Variants in CLASP2 observed in about 807,000 individuals in gnomAD.
CLASP2 encodes the protein CLIP-associating protein 2.
Under a neutral mutation model 194.4 loss-of-function variants are expected in CLASP2, and 47 were observed. The observed-to-expected ratio is 0.24, with a 90% CI of 0.19 to 0.31. The LOEUF is 0.31. Among genes scored for constraint, CLASP2 ranks in the 10% least tolerant of loss-of-function variants. The pLI, the probability that CLASP2 is intolerant of heterozygous loss-of-function variation, is 1.00. For missense variants in CLASP2, 1,445 were observed against 1,823.6 expected, an observed-to-expected ratio of 0.79 and a Z score of 3.78; for synonymous variants, 619 against 633.5, an observed-to-expected ratio of 0.98 and a Z score of 0.34.
chr3:33,525,910 C>G (rs779413058), intron 34 of CLASP2, among the ~76,000 whole-genome samples: 34 of 152,208 alleles, frequency 2.2e-4, no homozygotes, highest in Non-Finnish European at 3.4e-4. Flanking sequence ...CTGCACCTCC[C>G]TAAGAAGGAG....
intron 22 of CLASP2, among the ~76,000 whole-genome samples, chr3:33,582,482 T>C (rs896227539): frequency 6.6e-6 from 1 of 151,942 alleles, no homozygotes; most frequent in African/African-American, 2.4e-5. Flanking sequence ...TAGTGAGACC[T>C]TGTCTCACTA....
chr3:33,685,111 C>G (rs1261672365), intron 5 of CLASP2, among the ~76,000 whole-genome samples: 2 of 151,340 alleles, frequency 1.3e-5, no homozygotes, highest in Non-Finnish European at 2.9e-5. Context: ...GAGACCAAGG[C>G]TGGCGGTTCA....
At chr3:33,595,716 G>C (rs1376282460) in intron 19 of CLASP2, among the ~76,000 whole-genome samples, 2 of 151,806 alleles carry the variant, frequency 1.3e-5, no homozygotes, top group African/African-American at 2.4e-5. Flanking sequence ...AAAATATTTT[G>C]AACTGGAAAG....
chr3:33,551,239 TATTAAA>T lies in CLASP2; in HGVS notation c.3153+7_3153+12del, dbSNP rs1263037760. 1.2e-6 allele frequency: 2 copies of T among 1,603,620 alleles called. No homozygotes were observed. The highest frequency in any genetic ancestry group is 2.7e-5 in the African/African-American group (2 of 74,642). On this transcript the variant is annotated splice_region_variant and intron_variant, in intron 30 of 38. Coordinates refer to ENST00000682230, the MANE Select transcript of CLASP2 (RefSeq NM_001365631.1). ...TTCCCAATTTATCTTCTAAACCTCA[TATTAAA>T]ATATACCTTCCGAACATCAGAACTT...
intron 23 of CLASP2, 127 bp from the exon 24 acceptor site, chr3:33,576,402 A>G (rs1395303424): frequency 3.2e-6 from 2 of 617,146 alleles, no homozygotes; most frequent in African/African-American, 3.8e-5. Context: ...TTTAAAAGCA[A>G]TATTGTATTT....
chr3:33,619,651 T>C lies in CLASP2; in HGVS notation c.1269A>G (p.Ala423=). 6.4e-7 allele frequency: 1 copy of C among 1,556,094 alleles called. No homozygotes were observed. The highest frequency in any genetic ancestry group is 2.4e-5 in the East Asian group (1 of 41,264). ...PTLFNLVPNS[A]KVMATSGCAA... ...CACATCCAGAAGTTGCCATGACTTT[T>C]GCACTATTGGGGACGAGATTAAAAA... is the stretch of plus-strand genomic sequence containing the variant. The change falls in exon 12 of 39, where the codon GCA becomes GCG. Residue 423 remains alanine (A), a synonymous_variant. Coordinates refer to ENST00000682230, the MANE Select transcript of CLASP2 (RefSeq NM_001365631.1).
chr3:33,509,406 AGTCTC>A (rs573809943), intron 37 of CLASP2, among the ~76,000 whole-genome samples: 47 of 152,166 alleles, frequency 3.1e-4, no homozygotes, highest in Non-Finnish European at 5.6e-4. Context: ...GTAGAGACAG[AGTCTC>A]TCCATGTTGG....
Position 33,688,321 on chromosome 3 carries a change from T to G in CLASP2, c.426A>C (p.Arg142=), listed in dbSNP as rs1165019831. The G allele has an allele frequency of 1.3e-6, 2 of 1,593,570 alleles. No individual in the cohort carries two copies. Among genetic ancestry groups the G allele is most frequent in the Non-Finnish European group, 1.7e-6 (2 of 1,169,076 alleles). The stretch of plus-strand genomic sequence containing the variant: ...GACACAGACACACGCCTTCTCGAGA[T>G]CGAAAATTCTTGTGTTTAAAACCAG... The part of the protein sequence containing the change: ...LASGFKHKNF[R]SREGVCLCLI... The change falls in exon 4 of 39, where the codon CGA becomes CGC. Residue 142 remains arginine, a synonymous_variant. Coordinates refer to ENST00000682230, the MANE Select transcript of CLASP2 (RefSeq NM_001365631.1).
intron 23 of CLASP2, among the ~76,000 whole-genome samples, chr3:33,579,870 C>T (rs1179917304): frequency 6.6e-6 from 1 of 152,166 alleles, no homozygotes; most frequent in Non-Finnish European, 1.5e-5. Flanking sequence ...CTCCACTTCC[C>T]TCCACTCCTG....
At chr3:33,600,315 G>C (rs2071718401) in intron 18 of CLASP2, among the ~76,000 whole-genome samples, 1 of 152,148 alleles carries the variant, frequency 6.6e-6, no homozygotes, top group African/African-American at 2.4e-5. Context: ...AAAATATCCA[G>C]TTTTTTAATC....
At chr3:33,704,973 A>G (rs1386607488) in intron 1 of CLASP2, among the ~76,000 whole-genome samples, 2 of 152,140 alleles carry the variant, frequency 1.3e-5, no homozygotes, top group African/African-American at 4.8e-5. Context: ...GCCATTGAAG[A>G]AAACAGTTTG....
chr3:33,529,937 C>T (rs983415196), intron 34 of CLASP2, among the ~76,000 whole-genome samples: 75 of 143,254 alleles, frequency 5.2e-4, no homozygotes, highest in African/African-American at 1.9e-3. Flanking sequence ...GAGATTGCGC[C>T]ACTGCGGTCC....
At chr3:33,605,793 T>A (rs981160261) in intron 16 of CLASP2, among the ~76,000 whole-genome samples, 1 of 152,044 alleles carries the variant, frequency 6.6e-6, no homozygotes, top group Non-Finnish European at 1.5e-5. Context: ...TAATTTTTAG[T>A]AGAGATGGGG....
At chr3:33,670,807 G>A (rs2087024435) in intron 6 of CLASP2, among the ~76,000 whole-genome samples, 1 of 152,158 alleles carries the variant, frequency 6.6e-6, no homozygotes, top group Admixed American at 6.5e-5. Context: ...CACACTTTTT[G>A]AGTTTTACCT....
chr3:33,550,611 A>G (rs563894511), intron 30 of CLASP2, among the ~76,000 whole-genome samples: 2 of 152,050 alleles, frequency 1.3e-5, no homozygotes, highest in East Asian at 3.9e-4. Flanking sequence ...ATAGCCATAC[A>G]CATGTAGCAG....
At chr3:33,571,073 G>C (rs2063665301) in intron 25 of CLASP2, among the ~76,000 whole-genome samples, 1 of 147,050 alleles carries the variant, frequency 6.8e-6, no homozygotes, top group Admixed American at 7.2e-5. Flanking sequence ...GAGTGCAGTG[G>C]CGCGATCTCG....
In CLASP2 at chr3:33,535,229, A is replaced by T; in HGVS notation, c.3787+4T>A. On this transcript the variant is annotated splice_donor_region_variant and intron_variant, in intron 34 of 38. Transcript: ENST00000682230. ...AGACAGTAGCAGTGTGACCCAGAAC[A>T]TACCGTCAGGAAACTGGTCAGCATC... 1 of 1,606,424 alleles carries T rather than the reference A, an allele frequency of 6.2e-7. No individual in the cohort carries two copies. The highest frequency in any genetic ancestry group is 8.5e-7 in the Non-Finnish European group (1 of 1,173,092).
intron 1 of CLASP2, among the ~76,000 whole-genome samples, chr3:33,715,842 TTAAG>T (rs2093267849): frequency 8.8e-6 from 1 of 113,964 alleles, no homozygotes; most frequent in African/African-American, 3.4e-5. Flanking sequence ...TTATTGTATC[TTAAG>T]TAAAAAAAAA....
chr3:33,533,456 C>T (rs574988995), intron 34 of CLASP2, among the ~76,000 whole-genome samples: 7 of 152,240 alleles, frequency 4.6e-5, no homozygotes, highest in South Asian at 4.2e-4. Context: ...ACAAGTGAAG[C>T]TATTTCTTGT....
Sources: allele counts gnomAD v4.1 joint callset (sites outside exome capture counted in the v4.1 genomes callset), GRCh38; gene constraint gnomAD v4.1.1; transcripts MANE v1.5; gene names NCBI Gene and HGNC (gene_info 2026-07-23, HGNC 2026-07-21).